The following ZNF704 variants were observed in gnomAD, a reference collection of about 807,000 sequenced individuals.
The protein encoded by ZNF704 is glucocorticoid induced gene 1.
ZNF704 carries 10 observed loss-of-function variants against 44.7 expected under a neutral mutation model. The ratio of observed to expected loss-of-function variants is 0.22; its 90% CI spans 0.14 to 0.38. ZNF704 has a LOEUF of 0.38. ZNF704 is among the 10% of genes least tolerant of loss of function. The pLI, the probability that ZNF704 is intolerant of heterozygous loss-of-function variation, is 1.00. For synonymous variants in ZNF704, 211 were observed against 207.6 expected (o/e 1.02, Z -0.14); for missense variants, 390 against 545.5 (o/e 0.71, Z 2.84).
At position 80,680,566 on chromosome 8, in the gene ZNF704, G is replaced by A. The variant is rs543039583; in HGVS notation, c.558+6660C>T. The stretch of plus-strand genomic sequence containing the variant: ...ATGAAAACCCACACACCTTGGCAGC[G>A]GCTCCAATGGCTCTTTCAGGGTCAA... On this transcript the variant is annotated intron_variant, in intron 4 of 8. Coordinates refer to ENST00000327835, the MANE Select transcript of ZNF704 (RefSeq NM_001033723.3). 7.9e-5 allele frequency among the ~76,000 whole-genome samples: 12 copies of A among 152,174 alleles called. No homozygotes were observed. In the East Asian group the frequency reaches 9.7e-4, roughly 12 times the overall value.
intron 1 of ZNF704, among the ~76,000 whole-genome samples, chr8:80,848,212 A>G (rs1325235371): frequency 6.6e-6 from 1 of 152,218 alleles, no homozygotes; most frequent in Non-Finnish European, 1.5e-5. Context: ...TGGAAAACAG[A>G]TTAGTTATCC....
intron 2 of ZNF704, among the ~76,000 whole-genome samples, chr8:80,819,295 A>G (rs1336596485): frequency 2.6e-5 from 4 of 152,124 alleles, no homozygotes; most frequent in Admixed American, 6.5e-5. Flanking sequence ...TATCCTACAT[A>G]CCAGAGTCAG....
chr8:80,693,550 C>T (rs1157386362), intron 2 of ZNF704, among the ~76,000 whole-genome samples: 1 of 152,188 alleles, frequency 6.6e-6, no homozygotes, highest in African/African-American at 2.4e-5. Context: ...CGTGACAGTG[C>T]CTGCCTGTAG....
chr8:80,871,763 T>G lies in ZNF704; in HGVS notation c.-22+2808A>C, dbSNP rs1294037762. ...ATTATAATAAAATTATCTAGTGATATTCCATTAGAAAATCTCTTCAGATAC... is the reference window on the plus strand; with the variant it reads ...ATTATAATAAAATTATCTAGTGATAGTCCATTAGAAAATCTCTTCAGATAC... On this transcript the variant is annotated intron_variant, in intron 1 of 8. Transcript: ENST00000327835. 2.0e-5 allele frequency among the ~76,000 whole-genome samples: 3 copies of G among 152,096 alleles called. No individual in the cohort carries two copies. The South Asian group carries it at 6.2e-4, about 31-fold the overall frequency.
chr8:80,642,989 T>C, intron 8 of ZNF704, 46 bp downstream of exon 8: 1 of 1,328,126 alleles, frequency 7.5e-7, no homozygotes, highest in Non-Finnish European at 1.0e-6. Context: ...GTTTTACAGT[T>C]AATTCCCTTG....
At chr8:80,801,831 A>G (rs1427348402) in intron 2 of ZNF704, among the ~76,000 whole-genome samples, 1 of 152,132 alleles carries the variant, frequency 6.6e-6, no homozygotes, top group African/African-American at 2.4e-5. Flanking sequence ...ATCAGAGTTG[A>G]ACTGAAGGAG....
intron 1 of ZNF704, among the ~76,000 whole-genome samples, chr8:80,845,860 G>A (rs1808759825): frequency 6.6e-6 from 1 of 152,094 alleles, no homozygotes; most frequent in Non-Finnish European, 1.5e-5. Flanking sequence ...CAAGGGACAG[G>A]GAAGCATATA....
At chr8:80,668,066 C>T (rs540476007) in intron 5 of ZNF704, among the ~76,000 whole-genome samples, 1 of 152,218 alleles carries the variant, frequency 6.6e-6, no homozygotes, top group Non-Finnish European at 1.5e-5. Flanking sequence ...CTCCCTGAAA[C>T]ATAGAACATT....
At position 80,716,558 on chromosome 8, in the gene ZNF704, T is replaced by A. The variant is rs184160504; in HGVS notation, c.222-23451A>T. On this transcript the variant is annotated intron_variant, in intron 2 of 8. Transcript: ENST00000327835. ...CCTAAACATTATAACTGATACTGAC[T>A]GTGCATAGGAAGCTTATGATGTCAG... Among the ~76,000 whole-genome samples, 61 of 152,378 alleles carry A rather than the reference T, an allele frequency of 4.0e-4. No individual in the cohort carries two copies. In the East Asian group the frequency reaches 9.1e-3, roughly 23 times the overall value.
At chr8:80,731,233 T>C (rs549021396) in intron 2 of ZNF704, among the ~76,000 whole-genome samples, 2 of 152,296 alleles carry the variant, frequency 1.3e-5, no homozygotes, top group South Asian at 4.1e-4. Context: ...AGATTTCTAT[T>C]GGTAAATCTA....
rs372315949 is a variant in ZNF704, at chr8:80,657,353, G to C, written c.1032+2232C>G. 6.6e-5 allele frequency among the ~76,000 whole-genome samples: 10 copies of C among 152,262 alleles called. No homozygotes were observed. The East Asian group carries it at 7.7e-4, about 12-fold the overall frequency. On this transcript the variant is annotated intron_variant, in intron 7 of 8. Transcript: ENST00000327835. Reference sequence around the variant, plus strand: ...TCAGTCTAAAGTCTTTGCTGAAACAGGTTACACAATCAGCACAATTGGGAA... The same window carrying C: ...TCAGTCTAAAGTCTTTGCTGAAACACGTTACACAATCAGCACAATTGGGAA...
At chr8:80,679,530 G>A (rs1172053939) in intron 4 of ZNF704, among the ~76,000 whole-genome samples, 2 of 152,132 alleles carry the variant, frequency 1.3e-5, no homozygotes, top group African/African-American at 4.8e-5. Context: ...GCTTCTCCTC[G>A]CAGAGCTAAC....
chr8:80,671,538 C>T (rs1280340342), intron 4 of ZNF704, among the ~76,000 whole-genome samples: 1 of 152,174 alleles, frequency 6.6e-6, no homozygotes. Flanking sequence ...ACCATTCAAC[C>T]AACAGCAGCT....
chr8:80,855,766 T>C (rs2130018257), intron 1 of ZNF704, among the ~76,000 whole-genome samples: 1 of 152,212 alleles, frequency 6.6e-6, no homozygotes, highest in East Asian at 1.9e-4. Context: ...CCCCCATACA[T>C]TTACACAAAT....
chr8:80,703,288 C>A (rs557915504), intron 2 of ZNF704, among the ~76,000 whole-genome samples: 4 of 152,168 alleles, frequency 2.6e-5, no homozygotes, highest in African/African-American at 9.6e-5. Context: ...CCTGCTTCTA[C>A]TTACCCTTAG....
chr8:80,709,763 C>G (rs1263994995), intron 2 of ZNF704, among the ~76,000 whole-genome samples: 1 of 152,088 alleles, frequency 6.6e-6, no homozygotes, highest in Non-Finnish European at 1.5e-5. Context: ...ATAGCCTGCT[C>G]TACCGTGCTA....
At chr8:80,767,826 T>G (rs981890931) in intron 2 of ZNF704, among the ~76,000 whole-genome samples, 1 of 152,170 alleles carries the variant, frequency 6.6e-6, no homozygotes, top group Admixed American at 6.5e-5. Context: ...TGAAACCCTC[T>G]ATAACTAAGG....
At chr8:80,714,667 A>C (rs1025321027) in intron 2 of ZNF704, among the ~76,000 whole-genome samples, 2 of 152,148 alleles carry the variant, frequency 1.3e-5, no homozygotes, top group African/African-American at 2.4e-5. Flanking sequence ...CCTCAAGAAA[A>C]GATAGCTCAA....
intron 2 of ZNF704, among the ~76,000 whole-genome samples, chr8:80,698,084 G>A (rs1237136457): frequency 6.6e-6 from 1 of 152,172 alleles, no homozygotes; most frequent in Non-Finnish European, 1.5e-5. Flanking sequence ...ACGTTTAAGA[G>A]TTTATGCTTT....
Sources: gnomAD v4.1 joint callset for allele counts (sites outside exome capture counted in the v4.1 genomes callset) on GRCh38, gnomAD v4.1.1 for gene constraint, MANE v1.5 for transcripts, NCBI Gene and HGNC (gene_info 2026-07-23, HGNC 2026-07-21) for gene names.